Variants in ATP7B observed in about 807,000 individuals in gnomAD.
ATP7B encodes copper-transporting ATPase 2.
A neutral mutation model predicts 118.9 loss-of-function variants in ATP7B; 113 were observed. The ratio of observed to expected loss-of-function variants is 0.95; its 90% CI spans 0.82 to 1.11. The LOEUF (loss-of-function observed/expected upper bound fraction) is 1.11, where lower values mean the gene tolerates loss of function less well. ATP7B is among the 50% of genes most tolerant of loss of function. The pLI is 0.00. For missense variants in ATP7B, 1,867 were observed against 1,871.4 expected (o/e 1.00, Z 0.04); for synonymous variants, 777 against 727.4 (o/e 1.07, Z -1.10).
Position 51,935,174 on chromosome 13 carries a change from C to T in ATP7B, c.4125-145G>A. On this transcript the variant is annotated intron_variant, in intron 20 of 20. Coordinates refer to ENST00000242839, the MANE Select transcript of ATP7B (RefSeq NM_000053.4). ...AGTTTCCAAGGAAAAGGACATTAAA[C>T]TCCCTATGGTTCCAGGAAAGCTCAC... The T allele has an allele frequency of 3.3e-6, 4 of 1,222,488 alleles. No individual in the cohort carries two copies. In the East Asian group the frequency reaches 1.0e-4, roughly 31 times the overall value. The allele number at this position is 1,222,488 out of a possible 1,614,324, so 75.7% of individuals were successfully genotyped here.
chr13:51,949,267 T>C (rs998419362), intron 12 of ATP7B, among the ~76,000 whole-genome samples: 5 of 152,178 alleles, frequency 3.3e-5, no homozygotes, highest in African/African-American at 1.2e-4. Flanking sequence ...CTGGTAAATA[T>C]ATACATCAAA....
intron 9 of ATP7B, among the ~76,000 whole-genome samples, chr13:51,954,178 G>A (rs1284202652): frequency 6.6e-6 from 1 of 152,228 alleles, no homozygotes; most frequent in African/African-American, 2.4e-5. Context: ...AGTTCAGAGG[G>A]AAGGAAGGAT....
Position 51,944,191 on chromosome 13 carries a change from C to T in ATP7B, c.3161G>A (p.Arg1054Lys), listed in dbSNP as rs770257245. ...LLGDVATLPL[R>K]KVLAVVGTAE... Reference sequence around the variant, plus strand: ...AGTCCCCACCACAGCCAGAACCTTCCTGAGGGGCAGTGTGGCCACATCCCC... The same window carrying T: ...AGTCCCCACCACAGCCAGAACCTTCTTGAGGGGCAGTGTGGCCACATCCCC... The change falls in exon 14 of 21, where the codon AGG becomes AAG. Residue 1054 changes from arginine (R) to lysine (K), a missense_variant. Arg to Lys is a conservative substitution (Grantham distance 26). Transcript: ENST00000242839. 6.2e-7 allele frequency: 1 copy of T among 1,614,202 alleles called. No individual in the cohort carries two copies. Among genetic ancestry groups the T allele is most frequent in the Non-Finnish European group, 8.5e-7 (1 of 1,180,042 alleles).
intron 9 of ATP7B, 95 bp downstream of exon 9, chr13:51,957,421 G>A: frequency 4.0e-6 from 5 of 1,258,172 alleles, no homozygotes; most frequent in South Asian, 3.6e-5. Context: ...ACACTCACAA[G>A]GTCTATTGCA....
intron 9 of ATP7B, 129 bp downstream of exon 9, chr13:51,957,387 G>A (rs1958419408): frequency 3.2e-6 from 3 of 940,030 alleles, no homozygotes; most frequent in African/African-American, 3.3e-5. Context: ...GATTGAGAGT[G>A]GTGATCTTAC....
upstream of ATP7B, among the ~76,000 whole-genome samples, chr13:52,011,829 G>A (rs1954048331): frequency 6.6e-6 from 1 of 152,252 alleles, no homozygotes; most frequent in South Asian, 2.1e-4. Context: ...TGCGGGAGCG[G>A]GAGGGCAGGT....
At chr13:51,976,724 T>C (rs1952137376) in intron 1 of ATP7B, among the ~76,000 whole-genome samples, 1 of 152,208 alleles carries the variant, frequency 6.6e-6, no homozygotes, top group South Asian at 2.1e-4. Flanking sequence ...CTGTACTGAA[T>C]ACTGTAGGCA....
At chr13:51,970,250 A>G (rs1050945832) in intron 3 of ATP7B, among the ~76,000 whole-genome samples, 1 of 152,228 alleles carries the variant, frequency 6.6e-6, no homozygotes, top group African/African-American at 2.4e-5. Flanking sequence ...AGGTACTATG[A>G]CCTTTAAACT....
chr13:52,008,638 T>A (rs924701236), intron 1 of ATP7B, among the ~76,000 whole-genome samples: 3 of 152,170 alleles, frequency 2.0e-5, no homozygotes, highest in Non-Finnish European at 4.4e-5. Flanking sequence ...TTTAAGAAGC[T>A]CTATGTCAGG....
intron 3 of ATP7B, among the ~76,000 whole-genome samples, chr13:51,970,209 G>C (rs552977390): frequency 1.3e-5 from 2 of 152,166 alleles, no homozygotes; most frequent in South Asian, 2.1e-4. Flanking sequence ...AATAATACTA[G>C]TACAACCTAA....
intron 1 of ATP7B, 113 bp downstream of exon 1, chr13:52,011,174 T>C (rs535487066): frequency 1.7e-5 from 26 of 1,493,192 alleles, no homozygotes; most frequent in Non-Finnish European, 2.3e-5. Flanking sequence ...AGCTGGGGTC[T>C]GGCTCGGCCT....
chr13:52,001,583 A>T (rs962688440), intron 1 of ATP7B, among the ~76,000 whole-genome samples: 3 of 152,128 alleles, frequency 2.0e-5, no homozygotes, highest in Non-Finnish European at 4.4e-5. Flanking sequence ...ACCTCCATGA[A>T]ATCTTTGCTC....
At chr13:51,936,323 C>T (rs1956958363) in intron 19 of ATP7B, among the ~76,000 whole-genome samples, 1 of 152,008 alleles carries the variant, frequency 6.6e-6, no homozygotes. Context: ...CACAAGTCAC[C>T]ACTAACCACT....
intron 9 of ATP7B, 38 bp from the exon 10 acceptor site, chr13:51,950,437 A>C: frequency 6.2e-7 from 1 of 1,612,326 alleles, no homozygotes; most frequent in African/African-American, 1.3e-5. Flanking sequence ...ATGGCCACTC[A>C]TTCGGTCACC....
chr13:52,010,599 G>A (rs1953975352), intron 1 of ATP7B, among the ~76,000 whole-genome samples: 1 of 152,196 alleles, frequency 6.6e-6, no homozygotes, highest in Non-Finnish European at 1.5e-5. Context: ...CACATACAGT[G>A]ATCTCATTTA....
rs548060479 is a variant in ATP7B, at chr13:51,936,743, T to C, written c.4021+533A>G. Among the ~76,000 whole-genome samples, 192 of 152,074 alleles carry C rather than the reference T, an allele frequency of 1.3e-3. 1 individual carries two copies. The highest frequency in any genetic ancestry group is 2.3e-3 in the Non-Finnish European group (158 of 67,960). On this transcript the variant is annotated intron_variant, in intron 19 of 20. Coordinates refer to ENST00000242839, the MANE Select transcript of ATP7B (RefSeq NM_000053.4). Reference sequence around the variant, plus strand: ...AGTCTCACCATGTTGCCCAGGTGAGTCTTGAACCCCTGAGCTCAAATGACC... The same window carrying C: ...AGTCTCACCATGTTGCCCAGGTGAGCCTTGAACCCCTGAGCTCAAATGACC...
intron 1 of ATP7B, among the ~76,000 whole-genome samples, chr13:51,998,260 C>A (rs1385817971): frequency 6.6e-6 from 1 of 152,204 alleles, no homozygotes; most frequent in Non-Finnish European, 1.5e-5. Context: ...GCTCAGTCCA[C>A]ACTTGTTACT....
rs1593726901 is a variant in ATP7B, at chr13:51,958,547, G to A, written c.2122-3C>T. The A allele has an allele frequency of 1.4e-5, 23 of 1,613,338 alleles. No homozygotes were observed. The highest frequency in any genetic ancestry group is 2.0e-5 in the Non-Finnish European group (23 of 1,179,260). On this transcript the variant is annotated splice_polypyrimidine_tract_variant and splice_region_variant and intron_variant, in intron 7 of 20. Coordinates refer to ENST00000242839, the MANE Select transcript of ATP7B (RefSeq NM_000053.4). ...TAGAAGTACCACCCACCGAGGAGCT[G>A]AAAGACAAGGACAGTGAAGGCTGCC...
chr13:51,950,550 G>A, intron 9 of ATP7B, 151 bp from the exon 10 acceptor site: 4 of 1,245,418 alleles, frequency 3.2e-6, no homozygotes, highest in Non-Finnish European at 4.5e-6. Context: ...TTATCGTGCA[G>A]CTGCTGAATA....
Sources: gnomAD v4.1 joint callset for allele counts (sites outside exome capture counted in the v4.1 genomes callset) on GRCh38, gnomAD v4.1.1 for gene constraint, MANE v1.5 for transcripts, NCBI Gene and HGNC (gene_info 2026-07-23, HGNC 2026-07-21) for gene names.